MFAP5: variants seen among roughly 807,000 people sequenced by gnomAD.
The protein encoded by MFAP5 is microfibrillar-associated protein 5.
In MFAP5, 19 loss-of-function variants were observed where a neutral mutation model predicts 30.1. The ratio of observed to expected loss-of-function variants is 0.63; its 90% CI spans 0.44 to 0.93. The LOEUF (loss-of-function observed/expected upper bound fraction) is 0.93, where lower values mean the gene tolerates loss of function less well. Among genes scored for constraint, MFAP5 ranks in the 40% least tolerant of loss-of-function variants. MFAP5 has a pLI of 0.00. For missense variants in MFAP5, 210 were observed against 221.3 expected, an observed-to-expected ratio of 0.95 and a Z score of 0.32; for synonymous variants, 92 against 72.9, an observed-to-expected ratio of 1.26 and a Z score of -1.33.
chr12:8,648,343 CACTT>C (rs1178790316), intron 9 of MFAP5, 140 bp from the exon 10 acceptor site: 2 of 896,000 alleles, frequency 2.2e-6, no homozygotes, highest in African/African-American at 3.4e-5. Flanking sequence ...CCAGCTCTGC[CACTT>C]ACTTTAGTTA....
intron 3 of MFAP5, among the ~76,000 whole-genome samples, chr12:8,659,608 CT>C (rs1397312503): frequency 6.6e-6 from 1 of 152,012 alleles, no homozygotes; most frequent in Non-Finnish European, 1.5e-5. Flanking sequence ...CATTCCTGCC[CT>C]TTTTTCCTAG....
chr12:8,651,765 A>T, intron 6 of MFAP5, 74 bp from the exon 7 acceptor site: 4 of 1,367,286 alleles, frequency 2.9e-6, no homozygotes, highest in South Asian at 1.2e-5. Flanking sequence ...ACACTGCCTC[A>T]CTTAGGACCT....
chr12:8,651,400 C>T (rs1413507444), intron 7 of MFAP5, among the ~76,000 whole-genome samples: 1 of 152,100 alleles, frequency 6.6e-6, no homozygotes, highest in Non-Finnish European at 1.5e-5. Context: ...ATCCACTAAC[C>T]ACCACATAAT....
At position 8,647,975 on chromosome 12, in the gene MFAP5, G is replaced by T; in HGVS notation, c.*116C>A. 1.5e-6 allele frequency: 1 copy of T among 688,688 alleles called. No individual in the cohort carries two copies. The highest frequency in any genetic ancestry group is 2.4e-6 in the Non-Finnish European group (1 of 417,342). The allele number at this position is 688,688 out of a possible 1,614,324, so 42.7% of individuals were successfully genotyped here. On this transcript the variant is annotated 3_prime_UTR_variant, in exon 10 of 10. Coordinates refer to ENST00000359478, the MANE Select transcript of MFAP5 (RefSeq NM_003480.4). The stretch of plus-strand genomic sequence containing the variant: ...AGAGTAGGGGTAAAAGCTGGACATT[G>T]CAAAAGGATTGGTTTAAGAAATACT...
chr12:8,659,740 G>A (rs926608430), intron 3 of MFAP5, among the ~76,000 whole-genome samples: 2 of 151,992 alleles, frequency 1.3e-5, no homozygotes, highest in Non-Finnish European at 2.9e-5. Context: ...CTGTACCCTG[G>A]TATATACATA....
chr12:8,658,919 C>T (rs936741388), intron 3 of MFAP5, among the ~76,000 whole-genome samples: 19 of 151,702 alleles, frequency 1.3e-4, no homozygotes, highest in African/African-American at 4.6e-4. Context: ...CAGCTTCGAA[C>T]TCCTGGGCTC....
At chr12:8,662,556 C>A in intron 1 of MFAP5, 71 bp downstream of exon 1, 1 of 188,624 alleles carries the variant, frequency 5.3e-6, no homozygotes, top group Non-Finnish European at 1.1e-5. Flanking sequence ...CCCTCCAGCC[C>A]TTTCACACAC....
intron 4 of MFAP5, 33 bp downstream of exon 4, chr12:8,655,753 G>GCAAA (rs759566856): frequency 1.2e-5 from 19 of 1,598,454 alleles, no homozygotes; most frequent in African/African-American, 4.0e-5. Flanking sequence ...CAATAAAACA[G>GCAAA]CAAACAAACA....
At chr12:8,659,607 C>T (rs1942092861) in intron 3 of MFAP5, among the ~76,000 whole-genome samples, 1 of 152,080 alleles carries the variant, frequency 6.6e-6, no homozygotes, top group African/African-American at 2.4e-5. Flanking sequence ...ACATTCCTGC[C>T]CTTTTTTCCT....
intron 3 of MFAP5, 83 bp from the exon 4 acceptor site, chr12:8,655,913 C>T: frequency 2.4e-6 from 3 of 1,242,914 alleles, no homozygotes; most frequent in Admixed American, 3.5e-5. Context: ...AATTGCGAAG[C>T]ATAGTGCCCA....
At chr12:8,660,638 A>C (rs1942121228) in intron 3 of MFAP5, among the ~76,000 whole-genome samples, 1 of 152,166 alleles carries the variant, frequency 6.6e-6, no homozygotes, top group East Asian at 1.9e-4. Context: ...GTAGTTTAAA[A>C]ACACACACAC....
chr12:8,656,409 A>C (rs1332941199), intron 3 of MFAP5, among the ~76,000 whole-genome samples: 1 of 141,056 alleles, frequency 7.1e-6, no homozygotes, highest in African/African-American at 2.7e-5. Context: ...CATAAAAGGT[A>C]GTATTGATTT....
At chr12:8,661,313 A>G (rs1942144158) in intron 2 of MFAP5, among the ~76,000 whole-genome samples, 1 of 152,120 alleles carries the variant, frequency 6.6e-6, no homozygotes, top group Admixed American at 6.6e-5. Flanking sequence ...GTATCGGAAG[A>G]AGGAGGGAAA....
rs1941727691 is a variant in MFAP5 at position 8,647,971 on chromosome 12, C to G, written c.*120G>C. ...GTAGAGAGTAGGGGTAAAAGCTGGA[C>G]ATTGCAAAAGGATTGGTTTAAGAAA... is the stretch of plus-strand genomic sequence containing the variant. On this transcript the variant is annotated 3_prime_UTR_variant, in exon 10 of 10. Transcript: ENST00000359478. 2 of 651,942 alleles carry G rather than the reference C, an allele frequency of 3.1e-6. No homozygotes were observed. The highest frequency in any genetic ancestry group is 5.2e-6 in the Non-Finnish European group (2 of 387,184). The allele number at this position is 651,942 out of a possible 1,614,324, so 40.4% of individuals were successfully genotyped here. A position where few individuals can be genotyped will look rare whatever the true frequency, so the allele number is the denominator to read the frequency against.
Position 8,650,650 on chromosome 12 carries a change from T to C in MFAP5, c.248-61A>G, listed in dbSNP as rs766104476. The C allele has an allele frequency of 5.0e-6, 7 of 1,406,274 alleles. No homozygotes were observed. The Admixed American group carries it at 5.1e-5, about 10-fold the overall frequency. 87.1% of individuals were successfully genotyped at this position (1,406,274 alleles called of 1,614,324 possible). ...AAATAGAAGCAGCATAAATGAAGGA[T>C]TGAAGGAATTGGGAAGGATAGATAG... On this transcript the variant is annotated intron_variant, in intron 7 of 9. Transcript: ENST00000359478.
Position 8,655,770 on chromosome 12 carries a change from CA to C in MFAP5, c.139+15del, listed in dbSNP as rs1212525247. ...ATAAAACAGCAAACAAACAAACAAACAAAAGTGTAGCTTACTAGGATCTTCT... is the reference window on the plus strand; with the variant it reads ...ATAAAACAGCAAACAAACAAACAAACAAAGTGTAGCTTACTAGGATCTTCT... On this transcript the variant is annotated intron_variant, in intron 4 of 9. Coordinates refer to ENST00000359478, the MANE Select transcript of MFAP5 (RefSeq NM_003480.4). The C allele has an allele frequency of 2.2e-6, 3 of 1,376,514 alleles. No individual in the cohort carries two copies. The highest frequency in any genetic ancestry group is 3.0e-6 in the Non-Finnish European group (3 of 1,000,650). 85.3% of individuals were successfully genotyped at this position (1,376,514 alleles called of 1,614,324 possible).
Position 8,646,380 on chromosome 12 carries a change from C to A in MFAP5, c.*1711G>T, listed in dbSNP as rs1187697743. On this transcript the variant is annotated 3_prime_UTR_variant, in exon 10 of 10. Transcript: ENST00000359478. ...ATATATAACTTGTTGTCTCCTAGCT[C>A]CTATTTGAATTCCATTGGCTTTTAT... is the stretch of plus-strand genomic sequence containing the variant. The A allele has an allele frequency of 6.6e-6, 1 of 152,080 alleles. No homozygotes were observed. Among genetic ancestry groups the A allele is most frequent in the Non-Finnish European group, 1.5e-5 (1 of 68,004 alleles). The allele number at this position is 152,080 out of a possible 1,614,324, so 9.4% of individuals were successfully genotyped here.
rs988247046 is a variant in MFAP5 at position 8,662,054 on chromosome 12, G to T, written c.51C>A (p.Ile17=). 1.2e-6 allele frequency: 2 copies of T among 1,613,742 alleles called. No individual in the cohort carries two copies. The highest frequency in any genetic ancestry group is 1.7e-6 in the Non-Finnish European group (2 of 1,179,952). ...AAAGAATAAAGGACTCACCAGAGGT[G>T]ATGATGAATGCAGCAAGAAACAGCA... The part of the protein sequence containing the change: ...KVLLFLAAFI[I]TSDWIPLGVN... Residue 17 remains isoleucine (I), a synonymous_variant, in exon 2 of 10, where the codon ATC becomes ATA. Transcript: ENST00000359478.
chr12:8,657,346 G>C (rs1217801258), intron 3 of MFAP5, among the ~76,000 whole-genome samples: 1 of 151,876 alleles, frequency 6.6e-6, no homozygotes, highest in Admixed American at 6.6e-5. Flanking sequence ...TTGAACCCAG[G>C]AGGCAGAGGT....
Sources: allele counts gnomAD v4.1 joint callset (sites outside exome capture counted in the v4.1 genomes callset), GRCh38; gene constraint gnomAD v4.1.1; transcripts MANE v1.5; gene names NCBI Gene and HGNC (gene_info 2026-07-23, HGNC 2026-07-21).